Variants in FAF1 observed in about 807,000 individuals in gnomAD.
FAF1 encodes FAS-associated factor 1.
In FAF1, 25 loss-of-function variants were observed where a neutral mutation model predicts 92.5. That is an observed-to-expected ratio of 0.27 (90% CI 0.20 to 0.38). The LOEUF (loss-of-function observed/expected upper bound fraction) is 0.38. Among genes scored for constraint, FAF1 ranks in the 10% least tolerant of loss-of-function variants. The pLI, the probability that FAF1 is intolerant of heterozygous loss-of-function variation, is 1.00. For synonymous variants in FAF1, 234 were observed against 273.2 expected (o/e 0.86, Z 1.42); for missense variants, 636 against 793.3 (o/e 0.80, Z 2.38).
chr1:50,620,744 G>A (rs1272385079), intron 8 of FAF1, among the ~76,000 whole-genome samples: 4 of 152,240 alleles, frequency 2.6e-5, no homozygotes, highest in African/African-American at 4.8e-5. Context: ...TTTGAGCTGC[G>A]ATCCAGTAGA....
chr1:50,685,928 T>C (rs1172019121), intron 7 of FAF1, among the ~76,000 whole-genome samples: 1 of 152,194 alleles, frequency 6.6e-6, no homozygotes, highest in East Asian at 1.9e-4. Context: ...ACTAGAAATA[T>C]AAATGATACA....
At chr1:50,540,865 G>A (rs2149040843) in intron 13 of FAF1, among the ~76,000 whole-genome samples, 1 of 152,288 alleles carries the variant, frequency 6.6e-6, no homozygotes. Flanking sequence ...TGGAAATTCT[G>A]GGGACTAGCC....
chr1:50,613,639 T>G (rs554350778), intron 8 of FAF1, among the ~76,000 whole-genome samples: 1 of 152,156 alleles, frequency 6.6e-6, no homozygotes, highest in Non-Finnish European at 1.5e-5. Flanking sequence ...AGATTTGAAA[T>G]GTCTCACATA....
chr1:50,914,635 T>C (rs746143734), intron 1 of FAF1, among the ~76,000 whole-genome samples: 5 of 152,246 alleles, frequency 3.3e-5, no homozygotes, highest in Non-Finnish European at 5.9e-5. Flanking sequence ...GCGCATTTAA[T>C]TATATTTTGT....
In FAF1 at chr1:50,440,267, C is replaced by T. The variant is rs902111902; in HGVS notation, c.*1173G>A. The T allele has an allele frequency of 4.6e-5, 7 of 152,166 alleles. No individual in the cohort carries two copies. Among genetic ancestry groups the T allele is most frequent in the African/African-American group, 1.7e-4 (7 of 41,458 alleles). 9.4% of individuals were successfully genotyped at this position (152,166 alleles called of 1,614,324 possible). On this transcript the variant is annotated 3_prime_UTR_variant, in exon 19 of 19. Transcript: ENST00000396153. ...ATGATCTAAACCCCAAACCCCAAAT[C>T]TGTAGATTAAGAAAAATCCACACTT...
At chr1:50,639,403 T>C (rs1293927936) in intron 8 of FAF1, among the ~76,000 whole-genome samples, 1 of 152,230 alleles carries the variant, frequency 6.6e-6, no homozygotes, top group Non-Finnish European at 1.5e-5. Flanking sequence ...CCTTCCTACC[T>C]TGCTGATAGA....
intron 12 of FAF1, among the ~76,000 whole-genome samples, chr1:50,569,086 C>G (rs1650306858): frequency 6.6e-6 from 1 of 152,146 alleles, no homozygotes. Flanking sequence ...AGAACAGTAT[C>G]AGCCTTCTAG....
chr1:50,587,826 T>C (rs1424656471), intron 9 of FAF1, among the ~76,000 whole-genome samples: 3 of 152,124 alleles, frequency 2.0e-5, no homozygotes, highest in Admixed American at 1.3e-4. Context: ...ACCTAAATCA[T>C]AGGGGGTAGG....
intron 1 of FAF1, among the ~76,000 whole-genome samples, chr1:50,868,324 GA>G (rs1644498837): frequency 6.6e-6 from 1 of 151,866 alleles, no homozygotes; most frequent in African/African-American, 2.4e-5. Context: ...AAAAACTATT[GA>G]AATTTTTTAA....
chr1:50,599,172 G>A (rs1464040943), intron 8 of FAF1, among the ~76,000 whole-genome samples: 1 of 152,054 alleles, frequency 6.6e-6, no homozygotes, highest in Non-Finnish European at 1.5e-5. Flanking sequence ...GAGTGCAGTG[G>A]TACGATCTCA....
At chr1:50,959,574 C>A (rs12037872) in intron 1 of FAF1, 193 bp downstream of exon 1, 1 of 406,104 alleles carries the variant, frequency 2.5e-6, no homozygotes, top group Non-Finnish European at 4.7e-6. Context: ...TTAACACATT[C>A]TACACACTCA....
chr1:50,791,238 C>T (rs2124578167), intron 3 of FAF1, among the ~76,000 whole-genome samples: 1 of 152,288 alleles, frequency 6.6e-6, no homozygotes, highest in South Asian at 2.1e-4. Context: ...TATCTATGAA[C>T]AGAATCTGTG....
chr1:50,735,705 T>A (rs1659110080), intron 6 of FAF1, among the ~76,000 whole-genome samples: 1 of 152,188 alleles, frequency 6.6e-6, no homozygotes, highest in Non-Finnish European at 1.5e-5. Context: ...AACAATTTAA[T>A]AACTATTTTA....
chr1:50,656,932 T>C (rs1655140038), intron 7 of FAF1, among the ~76,000 whole-genome samples: 1 of 152,064 alleles, frequency 6.6e-6, no homozygotes, highest in African/African-American at 2.4e-5. Flanking sequence ...GAAGTGTTAC[T>C]GGGCGTGGTG....
intron 15 of FAF1, among the ~76,000 whole-genome samples, chr1:50,503,930 C>A (rs1279311610): frequency 6.6e-6 from 1 of 152,142 alleles, no homozygotes; most frequent in Non-Finnish European, 1.5e-5. Context: ...AGAGGAAGCC[C>A]TTGAGAGTGA....
intron 2 of FAF1, among the ~76,000 whole-genome samples, chr1:50,819,768 TATATATATAC>T (rs1225484858): frequency 1.3e-5 from 1 of 74,236 alleles, no homozygotes; most frequent in African/African-American, 5.3e-5. Flanking sequence ...TATATACGTA[TATATATATAC>T]ATATATATAC....
In FAF1 at chr1:50,592,056, GACAA is replaced by G. The variant is rs113031651; in HGVS notation, c.840+4061_840+4064del. Among the ~76,000 whole-genome samples the G allele has an allele frequency of 2.7e-3, 415 of 152,232 alleles. 3 individuals carry two copies. The highest frequency in any genetic ancestry group is 9.4e-3 in the African/African-American group (389 of 41,552). ...GTGTTAGGGCTACAGAGGGGAGAAA[GACAA>G]ACAAAGTTCTTGCCTGCAAACATTC... On this transcript the variant is annotated intron_variant, in intron 9 of 18. Coordinates refer to ENST00000396153, the MANE Select transcript of FAF1 (RefSeq NM_007051.3).
chr1:50,558,550 C>T (rs1354833058), intron 13 of FAF1, among the ~76,000 whole-genome samples: 1 of 152,148 alleles, frequency 6.6e-6, no homozygotes, highest in African/African-American at 2.4e-5. Flanking sequence ...ATATTCAAAA[C>T]ACAGAGTAAT....
chr1:50,899,262 CT>C (rs1405684486), intron 1 of FAF1, among the ~76,000 whole-genome samples: 1 of 152,158 alleles, frequency 6.6e-6, no homozygotes, highest in Non-Finnish European at 1.5e-5. Context: ...CCTATTCATG[CT>C]TTCCTCTACT....
Sources: allele counts gnomAD v4.1 joint callset (sites outside exome capture counted in the v4.1 genomes callset), GRCh38; gene constraint gnomAD v4.1.1; transcripts MANE v1.5; gene names NCBI Gene and HGNC (gene_info 2026-07-23, HGNC 2026-07-21).